Variants in WNK2 observed in about 807,000 individuals in gnomAD.
WNK2 encodes serine/threonine-protein kinase WNK2.
A neutral mutation model predicts 192.1 loss-of-function variants in WNK2; 67 were observed. The ratio of observed to expected loss-of-function variants is 0.35; its 90% CI spans 0.29 to 0.43. The LOEUF (loss-of-function observed/expected upper bound fraction) is 0.43, where lower values mean the gene tolerates loss of function less well. WNK2 is among the 20% of genes least tolerant of loss of function. WNK2 has a pLI of 1.00. For synonymous variants in WNK2, 1,439 were observed against 1,393.9 expected, an observed-to-expected ratio of 1.03 and a Z score of -0.72; for missense variants, 2,698 against 3,089.7, an observed-to-expected ratio of 0.87 and a Z score of 3.01.
Position 93,205,849 on chromosome 9 carries a change from G to A in WNK2, c.681+20239G>A, listed in dbSNP as rs986740184. Among the ~76,000 whole-genome samples the A allele has an allele frequency of 1.1e-4, 17 of 152,204 alleles. No individual in the cohort carries two copies. In the South Asian group the frequency reaches 1.5e-3, roughly 13 times the overall value. ...GCTGGGGACACTGGCTCTGTGTGAC[G>A]CCAGTGCCTTCTGGCAGCCTCTGGG... On this transcript the variant is annotated intron_variant, in intron 2 of 29. Transcript: ENST00000427277.
rs891010257 is a variant in WNK2, at chr9:93,247,849, G to C, written c.1834+15G>C. On this transcript the variant is annotated intron_variant, in intron 8 of 29. Transcript: ENST00000427277. The surrounding 1 kb of genome is among the most constrained non-coding windows in gnomAD (Gnocchi z 5.2). ...CTCCCTGGCCTGTGAGTGCTCAGGGGTGGGATGGCCATGGGCACCCCTCCC... is the reference window on the plus strand; with the variant it reads ...CTCCCTGGCCTGTGAGTGCTCAGGGCTGGGATGGCCATGGGCACCCCTCCC... 9.1e-6 allele frequency: 14 copies of C among 1,533,462 alleles called. No individual in the cohort carries two copies. In the African/African-American group the frequency reaches 1.9e-4, roughly 21 times the overall value. 95.0% of individuals were successfully genotyped at this position (1,533,462 alleles called of 1,614,324 possible). A position where few individuals can be genotyped will look rare whatever the true frequency, so the allele number is the denominator to read the frequency against.
At chr9:93,200,676 A>G (rs553501528) in intron 2 of WNK2, among the ~76,000 whole-genome samples, 43 of 152,122 alleles carry the variant, frequency 2.8e-4, no homozygotes, top group Middle Eastern at 3.4e-3. Context: ...TGCTCTTGGT[A>G]CCTGTTGGGC....
rs927733879 is a variant in WNK2, at chr9:93,317,575, C to G, written c.6572C>G (p.Pro2191Arg). Residue 2191 changes from proline (P) to arginine (R), a missense_variant, in exon 29 of 30, where the codon CCT becomes CGT. Physicochemically the swap from Pro to Arg is moderately radical, Grantham distance 103 (BLOSUM62 -2). This residue lies in a region of WNK2 where 167 missense variants were observed against 184.2 expected (regional missense o/e 0.91). Transcript: ENST00000427277. Reference sequence around the variant, plus strand: ...CCACGTCTGCCCCCAGCGCCCGGCCCTCTGTCCACCACGGTCATTCCCGGA... The same window carrying G: ...CCACGTCTGCCCCCAGCGCCCGGCCGTCTGTCCACCACGGTCATTCCCGGA... ...GMPRLPPAPG[P>R]LSTTVIPGAA... 5 of 1,613,602 alleles carry G rather than the reference C, an allele frequency of 3.1e-6. No homozygotes were observed. The highest frequency in any genetic ancestry group is 4.2e-6 in the Non-Finnish European group (5 of 1,179,884).
chr9:93,309,511 A>T (rs1564232062), intron 28 of WNK2, among the ~76,000 whole-genome samples: 1 of 152,218 alleles, frequency 6.6e-6, no homozygotes, highest in East Asian at 1.9e-4. Flanking sequence ...TTGCCATAAA[A>T]GTATCCATAA....
intron 23 of WNK2, among the ~76,000 whole-genome samples, chr9:93,295,212 G>C (rs1226281968): frequency 1.3e-5 from 2 of 152,148 alleles, no homozygotes; most frequent in Non-Finnish European, 2.9e-5. Flanking sequence ...GCGGGAGCTG[G>C]ACCATGTGGG....
intron 2 of WNK2, among the ~76,000 whole-genome samples, chr9:93,212,284 A>G (rs376248477): frequency 1.3e-5 from 2 of 152,240 alleles, no homozygotes; most frequent in East Asian, 3.8e-4. Context: ...ATGTTGGGAT[A>G]AGGATAGGTT....
At chr9:93,263,352 G>C (rs1267967153) in intron 14 of WNK2, 1 of 610,316 alleles carries the variant, frequency 1.6e-6, no homozygotes, top group East Asian at 2.8e-5. Flanking sequence ...TAGGAAGCCT[G>C]TGCTTCCTTC....
intron 23 of WNK2, among the ~76,000 whole-genome samples, chr9:93,297,016 A>C (rs1419206563): frequency 2.1e-3 from 21 of 9,984 alleles, no homozygotes; most frequent in African/African-American, 4.6e-3. Flanking sequence ...TCCCCTCCCC[A>C]TCCACCCCTC....
Position 93,259,524 on chromosome 9 carries a change from G to A in WNK2, c.2976G>A (p.Leu992=), listed in dbSNP as rs1253399800. The change falls in exon 12 of 30, where the codon CTG becomes CTA. Residue 992 remains leucine, a synonymous_variant. Transcript: ENST00000427277. This position sits in a 1 kb window ranked among gnomAD's most constrained non-coding sequence, Gnocchi z 4.8. ...CCATGCTGCCCCCACAACCTGTGCT[G>A]CCCCCGCAGCCGGCACTGCCTGTGC... ...PQPMLPPQPV[L]PPQPALPVRP... The A allele has an allele frequency of 6.3e-7, 1 of 1,576,442 alleles. No homozygotes were observed.
At chr9:93,295,288 C>T (rs1349654226) in intron 23 of WNK2, among the ~76,000 whole-genome samples, 1 of 152,096 alleles carries the variant, frequency 6.6e-6, no homozygotes, top group Non-Finnish European at 1.5e-5. Context: ...CCCCTGCCCA[C>T]GCAGCCGCTC....
chr9:93,229,553 C>T lies in WNK2; in HGVS notation c.682-143C>T. 7.8e-6 allele frequency: 7 copies of T among 892,584 alleles called. No homozygotes were observed. The highest frequency in any genetic ancestry group is 1.2e-5 in the Non-Finnish European group (7 of 596,108). 55.3% of individuals were successfully genotyped at this position (892,584 alleles called of 1,614,324 possible). ...TCAGCAGTTGTGGTGCCAGTGTCTGCATGCCCTTCTATCATAGCCGCTTAG... is the reference window on the plus strand; with the variant it reads ...TCAGCAGTTGTGGTGCCAGTGTCTGTATGCCCTTCTATCATAGCCGCTTAG... On this transcript the variant is annotated intron_variant, in intron 2 of 29. Transcript: ENST00000427277. The surrounding 1 kb of genome is among the most constrained non-coding windows in gnomAD (Gnocchi z 4.9).
At chr9:93,297,395 T>A (rs1269780441) in intron 23 of WNK2, among the ~76,000 whole-genome samples, 1 of 152,220 alleles carries the variant, frequency 6.6e-6, no homozygotes, top group Non-Finnish European at 1.5e-5. Context: ...CGCTGACTTC[T>A]TCATGCCGTG....
In WNK2 at chr9:93,289,585, G is replaced by T. The variant is rs759804565; in HGVS notation, c.4831G>T (p.Ala1611Ser). The stretch of plus-strand genomic sequence containing the variant: ...GGCCCTGCCCCCAGTGCCTAAGGAG[G>T]CGGTCTCAGGGCGTGTCCAGCTGCC... ...DLALPPVPKE[A>S]VSGRVQLPQP... The change falls in exon 20 of 30, where the codon GCG becomes TCG. Residue 1611 changes from alanine to serine, a missense_variant. Ala to Ser is a moderately conservative substitution (Grantham distance 99, BLOSUM62 1). Transcript: ENST00000427277. 7.9e-6 allele frequency: 12 copies of T among 1,512,412 alleles called. No homozygotes were observed. The South Asian group carries it at 1.4e-4, about 18-fold the overall frequency. The allele number at this position is 1,512,412 out of a possible 1,614,324, so 93.7% of individuals were successfully genotyped here. A position where few individuals can be genotyped will look rare whatever the true frequency, so the allele number is the denominator to read the frequency against.
intron 2 of WNK2, among the ~76,000 whole-genome samples, chr9:93,196,207 C>T (rs184841843): frequency 3.1e-4 from 47 of 152,180 alleles, no homozygotes; most frequent in Admixed American, 8.5e-4. Flanking sequence ...TGGAGGGTCA[C>T]GGGCTCCCTC....
intron 21 of WNK2, among the ~76,000 whole-genome samples, chr9:93,290,816 C>G (rs1401083456): frequency 6.6e-6 from 1 of 152,244 alleles, no homozygotes; most frequent in Non-Finnish European, 1.5e-5. Flanking sequence ...CACTGCGTCT[C>G]TGTGGAAACA....
At chr9:93,206,511 G>C (rs1039339683) in intron 2 of WNK2, among the ~76,000 whole-genome samples, 17 of 151,818 alleles carry the variant, frequency 1.1e-4, no homozygotes, top group African/African-American at 3.9e-4. Context: ...GGGGAGTTCT[G>C]ACTGGGGGTG....
At chr9:93,216,725 C>A (rs551411047) in intron 2 of WNK2, among the ~76,000 whole-genome samples, 2 of 151,560 alleles carry the variant, frequency 1.3e-5, no homozygotes, top group East Asian at 3.9e-4. Flanking sequence ...ACCTGGGAGA[C>A]AAAGGTTGCA....
At chr9:93,223,429 T>C (rs1028426785) in intron 2 of WNK2, among the ~76,000 whole-genome samples, 8 of 152,250 alleles carry the variant, frequency 5.3e-5, no homozygotes, top group Admixed American at 5.2e-4. Flanking sequence ...ACTGGAGCTT[T>C]TCTTCGGGGG....
chr9:93,213,867 T>C (rs1308185351), intron 2 of WNK2, among the ~76,000 whole-genome samples: 2 of 152,226 alleles, frequency 1.3e-5, no homozygotes, highest in Non-Finnish European at 2.9e-5. Flanking sequence ...TGAAGTTTAA[T>C]ATAAACTAGC....
Sources: allele counts gnomAD v4.1 joint callset (sites outside exome capture counted in the v4.1 genomes callset), GRCh38; gene constraint gnomAD v4.1.1; regional missense constraint gnomAD v4.1.1; non-coding constraint Gnocchi (gnomAD v3.1); transcripts MANE v1.5; gene names NCBI Gene and HGNC (gene_info 2026-07-23, HGNC 2026-07-21).